Variants in ZFAND3 observed in about 807,000 individuals in gnomAD.
ZFAND3 encodes AN1-type zinc finger protein 3.
Under a neutral mutation model 29.6 loss-of-function variants are expected in ZFAND3, and 10 were observed. That is an observed-to-expected ratio of 0.34 (90% confidence interval 0.21 to 0.57). The LOEUF (loss-of-function observed/expected upper bound fraction) is 0.57. Among genes scored for constraint, ZFAND3 ranks in the 20% least tolerant of loss-of-function variants. The pLI, the probability that ZFAND3 is intolerant of heterozygous loss-of-function variation, is 0.86. For synonymous variants in ZFAND3, 128 were observed against 112.6 expected, an observed-to-expected ratio of 1.14 and a Z score of -0.87; for missense variants, 230 against 304.5, an observed-to-expected ratio of 0.76 and a Z score of 1.82.
At chr6:37,865,200 T>G (rs1290426950) in intron 1 of ZFAND3, among the ~76,000 whole-genome samples, 3 of 152,074 alleles carry the variant, frequency 2.0e-5, no homozygotes, top group African/African-American at 7.2e-5. Context: ...AAATAAAAAC[T>G]TTAGTATTTC....
chr6:38,075,844 C>T (rs911348093), intron 3 of ZFAND3, among the ~76,000 whole-genome samples: 2 of 152,220 alleles, frequency 1.3e-5, no homozygotes, highest in East Asian at 1.9e-4. Flanking sequence ...CTCCACCTCC[C>T]GGGTTCACGC....
intron 1 of ZFAND3, among the ~76,000 whole-genome samples, chr6:37,915,128 T>C (rs1164322412): frequency 6.6e-6 from 1 of 152,048 alleles, no homozygotes; most frequent in African/African-American, 2.4e-5. Context: ...AGATGGCTTC[T>C]TTTTTTTAAA....
chr6:38,034,320 A>G (rs931209588), intron 2 of ZFAND3, among the ~76,000 whole-genome samples: 3 of 152,216 alleles, frequency 2.0e-5, no homozygotes, highest in Non-Finnish European at 4.4e-5. Context: ...GCAGAATAAG[A>G]AAGGATAAAG....
chr6:38,015,689 T>C (rs1561967151), intron 2 of ZFAND3, among the ~76,000 whole-genome samples: 3 of 152,348 alleles, frequency 2.0e-5, no homozygotes, highest in South Asian at 4.1e-4. Context: ...CACCATTATA[T>C]AAAGTTGGGC....
In ZFAND3 at chr6:38,041,627, ACTTTTTCTT is replaced by A. The variant is rs1167443497; in HGVS notation, c.113-19962_113-19954del. On this transcript the variant is annotated intron_variant, in intron 2 of 5. Coordinates refer to ENST00000287218, the MANE Select transcript of ZFAND3 (RefSeq NM_021943.3). ...TGATGTCACCACTGTTTTTTTATCT[ACTTTTTCTT>A]CTTCTTCTTCTTCTTCTTCTTCTTC... Among the ~76,000 whole-genome samples, 116 of 66,482 alleles carry A rather than the reference ACTTTTTCTT, an allele frequency of 1.7e-3. 4 individuals are homozygous for A. Among genetic ancestry groups the A allele is most frequent in the African/African-American group, 5.4e-3 (111 of 20,678 alleles). The allele number at this position is 66,482 out of a possible 152,430, so 43.6% of individuals were successfully genotyped here. A position where few individuals can be genotyped will look rare whatever the true frequency, so the allele number is the denominator to read the frequency against.
chr6:38,007,498 T>C (rs1297045673), intron 2 of ZFAND3, among the ~76,000 whole-genome samples: 1 of 152,140 alleles, frequency 6.6e-6, no homozygotes, highest in Non-Finnish European at 1.5e-5. Flanking sequence ...TGAGCTATGA[T>C]TGTGCCACTG....
intron 5 of ZFAND3, among the ~76,000 whole-genome samples, chr6:38,126,199 G>T (rs1364472475): frequency 6.6e-6 from 1 of 152,180 alleles, no homozygotes; most frequent in Non-Finnish European, 1.5e-5. Flanking sequence ...TACATAGTAT[G>T]TTGTTTTTGA....
intron 2 of ZFAND3, among the ~76,000 whole-genome samples, chr6:38,031,683 A>G (rs1265401960): frequency 1.3e-5 from 2 of 152,236 alleles, no homozygotes; most frequent in East Asian, 3.8e-4. Flanking sequence ...GAAGATATTA[A>G]TAATTATAAC....
chr6:37,825,360 T>C (rs751576805), intron 1 of ZFAND3, among the ~76,000 whole-genome samples: 1 of 152,240 alleles, frequency 6.6e-6, no homozygotes, highest in Non-Finnish European at 1.5e-5. Context: ...AGTTTTACTT[T>C]GCATCTTTGA....
At chr6:38,046,899 A>C (rs900411193) in intron 2 of ZFAND3, among the ~76,000 whole-genome samples, 3 of 152,184 alleles carry the variant, frequency 2.0e-5, no homozygotes, top group Non-Finnish European at 4.4e-5. Context: ...TACAGAATTT[A>C]GTACAGCCTG....
At chr6:38,039,923 TGAAA>T (rs1763728242) in intron 2 of ZFAND3, among the ~76,000 whole-genome samples, 1 of 152,176 alleles carries the variant, frequency 6.6e-6, no homozygotes, top group Admixed American at 6.5e-5. Context: ...ATGCTTACTG[TGAAA>T]GAAAGCCGAC....
At chr6:37,830,082 T>C (rs752009693) in intron 1 of ZFAND3, among the ~76,000 whole-genome samples, 12 of 152,194 alleles carry the variant, frequency 7.9e-5, no homozygotes, top group African/African-American at 2.9e-4. Flanking sequence ...CTAAATAAAT[T>C]AGATTTTTAC....
intron 4 of ZFAND3, among the ~76,000 whole-genome samples, chr6:38,092,352 C>T (rs985185783): frequency 1.3e-5 from 2 of 152,166 alleles, no homozygotes; most frequent in African/African-American, 4.8e-5. Flanking sequence ...TATCTTGCCC[C>T]TGGGAGCTTA....
rs1766280075 is a variant in ZFAND3, at chr6:38,153,517, T to C, written c.*1128T>C. The C allele has an allele frequency of 1.0e-6, 1 of 985,484 alleles. No individual in the cohort carries two copies. Among genetic ancestry groups the C allele is most frequent in the Non-Finnish European group, 1.2e-6 (1 of 830,054 alleles). The allele number at this position is 985,484 out of a possible 1,614,324, so 61.0% of individuals were successfully genotyped here. A position where few individuals can be genotyped will look rare whatever the true frequency, so the allele number is the denominator to read the frequency against. ...AGCATACGTCCCAGGGACAGTGGGT[T>C]TGGATCTGTCTAGAACAGCGGTTTG... On this transcript the variant is annotated 3_prime_UTR_variant, in exon 6 of 6. Transcript: ENST00000287218.
chr6:38,069,964 T>G (rs1297512067), intron 3 of ZFAND3, among the ~76,000 whole-genome samples: 2 of 152,334 alleles, frequency 1.3e-5, no homozygotes, highest in East Asian at 3.9e-4. Flanking sequence ...ACATTCTCAA[T>G]TTTTGAATTA....
intron 2 of ZFAND3, among the ~76,000 whole-genome samples, chr6:37,973,719 A>C (rs1762429536): frequency 6.6e-6 from 1 of 152,218 alleles, no homozygotes; most frequent in Admixed American, 6.5e-5. Flanking sequence ...GATTTTCCTG[A>C]AGCTGAAGAA....
At chr6:37,829,621 A>C (rs1408369022) in intron 1 of ZFAND3, among the ~76,000 whole-genome samples, 2 of 152,082 alleles carry the variant, frequency 1.3e-5, no homozygotes, top group Non-Finnish European at 2.9e-5. Context: ...GAAACTTTTA[A>C]TTTTTTTTAT....
intron 2 of ZFAND3, among the ~76,000 whole-genome samples, chr6:37,992,840 AT>A (rs201982577): frequency 3.3e-5 from 5 of 150,064 alleles, no homozygotes; most frequent in African/African-American, 7.3e-5. Context: ...TTTTCCTGTC[AT>A]TTTTTTTTGA....
Position 37,906,500 on chromosome 6 carries a change from G to T in ZFAND3, c.72-23459G>T, listed in dbSNP as rs78794729. ...GAGTGGAGCTGCCACGAACATGCAT[G>T]TATAAGTTTTTGTTTGAACACCTAT... On this transcript the variant is annotated intron_variant, in intron 1 of 5. Coordinates refer to ENST00000287218, the MANE Select transcript of ZFAND3 (RefSeq NM_021943.3). Among the ~76,000 whole-genome samples, 58 of 152,258 alleles carry T rather than the reference G, an allele frequency of 3.8e-4. No individual in the cohort carries two copies. The East Asian group carries it at 9.8e-3, about 26-fold the overall frequency.
Sources: gnomAD v4.1 joint callset for allele counts (sites outside exome capture counted in the v4.1 genomes callset) on GRCh38, gnomAD v4.1.1 for gene constraint, MANE v1.5 for transcripts, NCBI Gene and HGNC (gene_info 2026-07-23, HGNC 2026-07-21) for gene names.